The following YES1 variants were observed in gnomAD, a reference collection of about 807,000 sequenced individuals.
YES1 encodes the protein YES proto-oncogene 1, Src family tyrosine kinase, also known as tyrosine-protein kinase Yes.
In YES1, 39 loss-of-function variants were observed where a neutral mutation model predicts 70.4. The observed-to-expected ratio is 0.55, with a 90% CI of 0.43 to 0.72. The LOEUF (loss-of-function observed/expected upper bound fraction) is 0.72, where lower values mean the gene tolerates loss of function less well. YES1 is among the 30% of genes least tolerant of loss of function. YES1 has a pLI of 0.00. For missense variants in YES1, 495 were observed against 644.8 expected, an observed-to-expected ratio of 0.77 and a Z score of 2.52; for synonymous variants, 198 against 218.6, an observed-to-expected ratio of 0.91 and a Z score of 0.83.
At chr18:734,354 A>T (rs997040040) in intron 10 of YES1, among the ~76,000 whole-genome samples, 1 of 151,626 alleles carries the variant, frequency 6.6e-6, no homozygotes, top group Non-Finnish European at 1.5e-5. Context: ...GGAGATTGAG[A>T]CCATCCTGGC....
intron 10 of YES1, among the ~76,000 whole-genome samples, chr18:735,118 C>A (rs2080137048): frequency 6.9e-6 from 1 of 144,856 alleles, no homozygotes; most frequent in African/African-American, 2.6e-5. Flanking sequence ...GATTGTACCA[C>A]TGCACTCCAG....
intron 10 of YES1, among the ~76,000 whole-genome samples, chr18:733,782 C>CAAAAAAAAAAAAAAAAA (rs71174280): frequency 1.7e-5 from 1 of 59,248 alleles, no homozygotes; most frequent in African/African-American, 6.1e-5. Context: ...GACTCCGTCT[C>CAAAAAAAAAAAAAAAAA]AAAAAAAAAA....
intron 9 of YES1, among the ~76,000 whole-genome samples, chr18:737,685 T>C (rs1219376484): frequency 6.6e-6 from 1 of 152,212 alleles, no homozygotes; most frequent in African/African-American, 2.4e-5. Flanking sequence ...CTGCAGCCTG[T>C]TTTTGCACAG....
intron 4 of YES1, among the ~76,000 whole-genome samples, chr18:746,716 C>T (rs1050619900): frequency 2.0e-5 from 3 of 152,128 alleles, no homozygotes; most frequent in East Asian, 1.9e-4. Flanking sequence ...AATAAAGTAG[C>T]GTTTATGAAT....
intron 3 of YES1, 21 bp downstream of exon 3, chr18:751,684 C>A: frequency 6.9e-7 from 1 of 1,452,630 alleles, no homozygotes. Context: ...ATTTCTCTCA[C>A]AAAATATTCA....
chr18:784,024 T>A (rs1360181468), intron 1 of YES1, among the ~76,000 whole-genome samples: 15 of 152,212 alleles, frequency 9.9e-5, no homozygotes, highest in Admixed American at 9.8e-4. Context: ...AAAACAGGCA[T>A]AATACGACGG....
intron 11 of YES1, among the ~76,000 whole-genome samples, chr18:726,476 G>C (rs997943149): frequency 2.0e-5 from 3 of 150,482 alleles, no homozygotes; most frequent in African/African-American, 7.3e-5. Flanking sequence ...CTGATAATTA[G>C]AACTATTAAA....
At chr18:755,883 T>C (rs1396666993) in intron 2 of YES1, among the ~76,000 whole-genome samples, 4 of 152,316 alleles carry the variant, frequency 2.6e-5, no homozygotes, top group Middle Eastern at 3.4e-3. Context: ...ACAAAAGAGC[T>C]CATTTTCTCT....
intron 1 of YES1, among the ~76,000 whole-genome samples, chr18:804,913 CAAAAA>C (rs56748581): frequency 1.1e-5 from 1 of 94,126 alleles, no homozygotes; most frequent in African/African-American, 4.9e-5. Context: ...GACTCTGACT[CAAAAA>C]AAAAAAACAC....
chr18:751,725 T>A lies in YES1; in HGVS notation c.351A>T (p.Arg117Ser). The A allele has an allele frequency of 1.3e-6, 2 of 1,589,204 alleles. No individual in the cohort carries two copies. The highest frequency in any genetic ancestry group is 8.6e-7 in the Non-Finnish European group (1 of 1,159,514). Residue 117 changes from arginine to serine, a missense_variant, in exon 3 of 12, where the codon AGA becomes AGT. Around this residue, in one of 2 missense-constraint regions of YES1, gnomAD observed 385 missense variants for 540.9 expected, o/e 0.71. Transcript: ENST00000314574. ...CTTACGTATTGTTAATTATTTGAAA[T>A]CTTTCACCCTTCTTAAATGAAAGGT... ...TEDLSFKKGE[R>S]FQIINNTEGD...
intron 1 of YES1, among the ~76,000 whole-genome samples, chr18:770,344 T>C (rs1272934014): frequency 6.6e-6 from 1 of 151,676 alleles, no homozygotes; most frequent in Non-Finnish European, 1.5e-5. Context: ...ACAAGGACTT[T>C]CCCCTCTAGC....
At chr18:739,837 A>C (rs1409414224) in intron 8 of YES1, 26 bp from the exon 9 acceptor site, 1 of 1,569,210 alleles carries the variant, frequency 6.4e-7, no homozygotes, top group Admixed American at 1.8e-5. Flanking sequence ...AGATATTCAT[A>C]AAAAATAAGC....
rs1189536304 is a variant in YES1, at chr18:723,029, T to C, written c.*1395A>G. On this transcript the variant is annotated 3_prime_UTR_variant, in exon 12 of 12. Transcript: ENST00000314574. ...ATGGTGTGAACCTGGGAGGCAGAGC[T>C]TGCAGTGAGCCGAGATCGCGCCACT... 6.6e-6 allele frequency: 1 copy of C among 152,146 alleles called. No homozygotes were observed. Among genetic ancestry groups the C allele is most frequent in the Non-Finnish European group, 1.5e-5 (1 of 68,036 alleles). The allele number at this position is 152,146 out of a possible 1,614,324, so 9.4% of individuals were successfully genotyped here.
At chr18:800,991 TA>T (rs1400095202) in intron 1 of YES1, among the ~76,000 whole-genome samples, 2 of 151,428 alleles carry the variant, frequency 1.3e-5, no homozygotes, top group Non-Finnish European at 2.9e-5. Flanking sequence ...ACTAAAAATA[TA>T]AAAATTAGCT....
intron 1 of YES1, among the ~76,000 whole-genome samples, chr18:771,403 T>C (rs1054861506): frequency 2.0e-5 from 3 of 152,112 alleles, no homozygotes; most frequent in Non-Finnish European, 4.4e-5. Flanking sequence ...GCAGAGGGTA[T>C]TATTTCTTAA....
chr18:743,334 G>A lies in YES1; in HGVS notation c.806C>T (p.Ala269Val), dbSNP rs1248433273. The change falls in exon 7 of 12, where the codon GCT (alanine) becomes GTT (valine). Residue 269 changes from alanine (A) to valine (V), a missense_variant. This residue lies in a region of YES1 where 385 missense variants were observed against 540.9 expected (regional missense o/e 0.71). Coordinates refer to ENST00000314574, the MANE Select transcript of YES1 (RefSeq NM_005433.4). The part of the protein sequence containing the change: ...KPQTQGLAKD[A>V]WEIPRESLRL... ...CAAAGATTCTCGAGGGATTTCCCAA[G>A]CATCTTTTGCTAGACCTTGAGTCTG... 2 of 1,612,624 alleles carry A rather than the reference G, an allele frequency of 1.2e-6. No individual in the cohort carries two copies. The highest frequency in any genetic ancestry group is 1.7e-6 in the Non-Finnish European group (2 of 1,180,026).
chr18:731,705 C>A (rs536737932), intron 11 of YES1, among the ~76,000 whole-genome samples: 1 of 152,140 alleles, frequency 6.6e-6, no homozygotes, highest in Non-Finnish European at 1.5e-5. Flanking sequence ...CGGTGGCTCA[C>A]GCCTGTAATC....
At position 722,649 on chromosome 18, in the gene YES1, A is replaced by G. The variant is rs1365038804; in HGVS notation, c.*1775T>C. 1 of 152,234 alleles carries G rather than the reference A, an allele frequency of 6.6e-6. No individual in the cohort carries two copies. Among genetic ancestry groups the G allele is most frequent in the African/African-American group, 2.4e-5 (1 of 41,464 alleles). 9.4% of individuals were successfully genotyped at this position (152,234 alleles called of 1,614,324 possible). On this transcript the variant is annotated 3_prime_UTR_variant, in exon 12 of 12. Coordinates refer to ENST00000314574, the MANE Select transcript of YES1 (RefSeq NM_005433.4). ...AATTACTGAGTTACTCTTAAAAATTAGTCTTATTTTGTATGTTTCACTTTT... is the reference window on the plus strand; with the variant it reads ...AATTACTGAGTTACTCTTAAAAATTGGTCTTATTTTGTATGTTTCACTTTT...
At chr18:784,193 AATT>A (rs1390152930) in intron 1 of YES1, among the ~76,000 whole-genome samples, 1 of 152,194 alleles carries the variant, frequency 6.6e-6, no homozygotes, top group Non-Finnish European at 1.5e-5. Context: ...TAAGATGAAT[AATT>A]ATTGTTTTCA....
Sources: allele counts gnomAD v4.1 joint callset (sites outside exome capture counted in the v4.1 genomes callset), GRCh38; gene constraint gnomAD v4.1.1; regional missense constraint gnomAD v4.1.1; transcripts MANE v1.5; gene names NCBI Gene and HGNC (gene_info 2026-07-23, HGNC 2026-07-21).